Variants in SLC1A2 observed in about 807,000 individuals in gnomAD.
SLC1A2 encodes the protein excitatory amino acid transporter 2.
A neutral mutation model predicts 48.8 loss-of-function variants in SLC1A2; 15 were observed. The observed-to-expected ratio is 0.31, with a 90% CI of 0.21 to 0.47. The LOEUF (loss-of-function observed/expected upper bound fraction) is 0.47. Among genes scored for constraint, SLC1A2 ranks in the 20% least tolerant of loss-of-function variants. The probability of loss-of-function intolerance (pLI) is 0.99; values close to 1 mark genes in which losing one functional copy is unlikely to be tolerated. For missense variants in SLC1A2, 502 were observed against 730.5 expected (o/e 0.69, Z 3.61); for synonymous variants, 279 against 272.6 (o/e 1.02, Z -0.23).
rs1394343355 is a variant in SLC1A2 at position 35,265,590 on chromosome 11, C to G, written c.1590G>C (p.Arg530Ser). The change falls in exon 10 of 11, where the codon AGG becomes AGC. Residue 530 changes from arginine to serine, a missense_variant. Arg to Ser is a moderately radical substitution (Grantham distance 110). Transcript: ENST00000278379. The stretch of plus-strand genomic sequence containing the variant: ...AGACACATTGATTAGAGTTGCTTTC[C>G]CTGTGGTTCTTCATGTCATCATAAA... ...QSIYDDMKNH[R>S]ESNSNQCVYA... 1 of 1,612,516 alleles carries G rather than the reference C, an allele frequency of 6.2e-7. No individual in the cohort carries two copies. Among genetic ancestry groups the G allele is most frequent in the African/African-American group, 1.3e-5 (1 of 74,804 alleles).
chr11:35,314,712 C>CA (rs531467759), intron 3 of SLC1A2, among the ~76,000 whole-genome samples: 37,669 of 132,310 alleles, frequency 0.28, 5,097 homozygotes, highest in Middle Eastern at 0.35. Context: ...GACTCCATCT[C>CA]AAAAAAAAAA....
At chr11:35,360,863 T>A (rs1468293914) in intron 1 of SLC1A2, among the ~76,000 whole-genome samples, 1 of 152,026 alleles carries the variant, frequency 6.6e-6, no homozygotes, top group East Asian at 1.9e-4. Context: ...TGCATTTATT[T>A]TGTTTATTTA....
At chr11:35,418,772 C>A (rs1401612714) in intron 1 of SLC1A2, 178 bp downstream of exon 1, 1 of 600,334 alleles carries the variant, frequency 1.7e-6, no homozygotes, top group Non-Finnish European at 3.0e-6. Flanking sequence ...GATTAAGCAG[C>A]AATCTCCAGG....
At chr11:35,297,344 G>T (rs1047716102) in intron 6 of SLC1A2, among the ~76,000 whole-genome samples, 5 of 151,958 alleles carry the variant, frequency 3.3e-5, no homozygotes, top group Admixed American at 1.3e-4. Context: ...CCCCCACCTT[G>T]CTCCATGGCT....
intron 1 of SLC1A2, among the ~76,000 whole-genome samples, chr11:35,355,210 G>T (rs1204037165): frequency 2.0e-5 from 3 of 152,144 alleles, no homozygotes; most frequent in Non-Finnish European, 4.4e-5. Flanking sequence ...TTGGTAGAGA[G>T]ACTTAAAACA....
chr11:35,380,837 C>T (rs1380725519), intron 1 of SLC1A2, among the ~76,000 whole-genome samples: 1 of 152,098 alleles, frequency 6.6e-6, no homozygotes, highest in African/African-American at 2.4e-5. Context: ...AGCTGAGCTG[C>T]ACTGGATGAC....
At chr11:35,383,611 A>G (rs1220717147) in intron 1 of SLC1A2, among the ~76,000 whole-genome samples, 5 of 152,200 alleles carry the variant, frequency 3.3e-5, no homozygotes, top group African/African-American at 1.2e-4. Context: ...AATAGTTCCC[A>G]CCTCATGGGG....
At chr11:35,321,935 C>A (rs963401080) in intron 1 of SLC1A2, among the ~76,000 whole-genome samples, 2 of 152,076 alleles carry the variant, frequency 1.3e-5, no homozygotes, top group Non-Finnish European at 2.9e-5. Context: ...ACACTGCCCA[C>A]CATCTGTGTT....
intron 1 of SLC1A2, among the ~76,000 whole-genome samples, chr11:35,324,112 T>C (rs569337899): frequency 1.7e-4 from 26 of 152,218 alleles, no homozygotes; most frequent in Admixed American, 2.6e-4. Flanking sequence ...GAGCCTTTTT[T>C]TCCATATTGC....
At chr11:35,414,941 G>A (rs143419563) in intron 1 of SLC1A2, among the ~76,000 whole-genome samples, 60 of 152,174 alleles carry the variant, frequency 3.9e-4, no homozygotes, top group Non-Finnish European at 6.3e-4. Context: ...CCTTTAAAAG[G>A]GGGGAAACCA....
chr11:35,261,733 T>G (rs368324428), intron 10 of SLC1A2: 32 of 398,366 alleles, frequency 8.0e-5, no homozygotes, highest in East Asian at 4.3e-4. Flanking sequence ...TTCCACATAA[T>G]GGAGAGACTG....
chr11:35,322,481 C>T (rs867957128), intron 1 of SLC1A2: 95 of 824,112 alleles, frequency 1.2e-4, no homozygotes, highest in Admixed American at 3.9e-4. Context: ...GAGGTGGCAA[C>T]AGAACACTCC....
intron 1 of SLC1A2, among the ~76,000 whole-genome samples, chr11:35,317,983 C>T (rs988008682): frequency 6.6e-5 from 10 of 152,192 alleles, no homozygotes; most frequent in South Asian, 6.2e-4. Flanking sequence ...AAGCCTTCCC[C>T]ATCCTGACAT....
intron 1 of SLC1A2, among the ~76,000 whole-genome samples, chr11:35,348,753 G>A (rs1036731523): frequency 3.3e-5 from 5 of 151,860 alleles, no homozygotes; most frequent in African/African-American, 4.8e-5. Flanking sequence ...CTAGCCAGGC[G>A]TGGTGGCTCA....
At chr11:35,285,902 A>G (rs571168395) in intron 8 of SLC1A2, 13 of 152,374 alleles carry the variant, frequency 8.5e-5, no homozygotes, top group African/African-American at 3.1e-4. Flanking sequence ...CATAAGGCAG[A>G]AATTGGCTTC....
chr11:35,293,336 A>T (rs2134751646), intron 6 of SLC1A2, among the ~76,000 whole-genome samples: 1 of 152,370 alleles, frequency 6.6e-6, no homozygotes, highest in East Asian at 1.9e-4. Context: ...CAACCAAGAC[A>T]AGCCACTTCT....
chr11:35,306,385 G>C (rs1851507191), intron 4 of SLC1A2, 143 bp from the exon 5 acceptor site: 1 of 591,632 alleles, frequency 1.7e-6, no homozygotes, highest in South Asian at 2.5e-5. Flanking sequence ...ATGAAAACTG[G>C]AGAATATTTT....
chr11:35,310,071 G>A lies in SLC1A2; in HGVS notation c.561+2127C>T, dbSNP rs116805930. On this transcript the variant is annotated intron_variant, in intron 4 of 10. Coordinates refer to ENST00000278379, the MANE Select transcript of SLC1A2 (RefSeq NM_004171.4). ...CCATCCACCACAGCGCTCACCGAGT[G>A]TGAGTGTGGCCAGCTCCACAAAAGT... Among the ~76,000 whole-genome samples, 1,393 of 152,342 alleles carry A rather than the reference G, an allele frequency of 9.1e-3. 23 individuals are homozygous for A. The highest frequency in any genetic ancestry group is 0.032 in the African/African-American group (1,326 of 41,578).
At chr11:35,397,342 T>C (rs1854996278) in intron 1 of SLC1A2, among the ~76,000 whole-genome samples, 1 of 142,298 alleles carries the variant, frequency 7.0e-6, no homozygotes, top group Non-Finnish European at 1.6e-5. Context: ...TATAGATCAA[T>C]GGAACAGAAC....
Sources: allele counts gnomAD v4.1 joint callset (sites outside exome capture counted in the v4.1 genomes callset), GRCh38; gene constraint gnomAD v4.1.1; transcripts MANE v1.5; gene names NCBI Gene and HGNC (gene_info 2026-07-23, HGNC 2026-07-21).